Variants in CSMD3 observed in about 807,000 individuals in gnomAD.
CSMD3 encodes the protein CUB and Sushi multiple domains 3.
Under a neutral mutation model 435.2 loss-of-function variants are expected in CSMD3, and 177 were observed. The ratio of observed to expected loss-of-function variants is 0.41; its 90% CI spans 0.36 to 0.46. CSMD3 has a LOEUF of 0.46. CSMD3 is among the 20% of genes least tolerant of loss of function. The pLI is 0.34. For synonymous variants in CSMD3, 1,656 were observed against 1,520.5 expected (o/e 1.09, Z -2.07); for missense variants, 4,265 against 4,504.6 (o/e 0.95, Z 1.52).
chr8:112,233,248 T>A (rs1415560009), intron 68 of CSMD3, among the ~76,000 whole-genome samples: 1 of 152,178 alleles, frequency 6.6e-6, no homozygotes, highest in Non-Finnish European at 1.5e-5. Flanking sequence ...GTTGTAAGAA[T>A]CTTGAGTCCT....
chr8:113,392,987 G>GTA lies in CSMD3; in HGVS notation c.178+43688_178+43689dup, dbSNP rs147048667. 6.0e-3 allele frequency among the ~76,000 whole-genome samples: 894 copies of GTA among 148,950 alleles called. 5 individuals are homozygous for GTA. Among genetic ancestry groups the GTA allele is most frequent in the African/African-American group, 0.016 (666 of 40,554 alleles). On this transcript the variant is annotated intron_variant, in intron 1 of 70. Coordinates refer to ENST00000297405, the MANE Select transcript of CSMD3 (RefSeq NM_198123.2). The stretch of plus-strand genomic sequence containing the variant: ...TGTGTGTGTGTGTGTATATACATAT[G>GTA]TATATATATATATACACATGTGTTT...
chr8:113,023,122 A>G (rs1236937436), intron 5 of CSMD3, among the ~76,000 whole-genome samples: 1 of 152,154 alleles, frequency 6.6e-6, no homozygotes, highest in Non-Finnish European at 1.5e-5. Flanking sequence ...CGCTTTTATT[A>G]TAAGATAAAT....
At chr8:112,748,882 T>C (rs1328984617) in intron 13 of CSMD3, among the ~76,000 whole-genome samples, 2 of 152,200 alleles carry the variant, frequency 1.3e-5, no homozygotes, top group Non-Finnish European at 2.9e-5. Context: ...AGTTGAATGG[T>C]AGTTCTGCTT....
chr8:112,254,400 T>G (rs934327189), intron 62 of CSMD3, 74 bp from the exon 63 acceptor site: 6 of 994,902 alleles, frequency 6.0e-6, no homozygotes, highest in Non-Finnish European at 9.7e-6. Context: ...GAAAACAATT[T>G]TAAATAATCT....
At chr8:112,795,698 C>A (rs1250399669) in intron 13 of CSMD3, among the ~76,000 whole-genome samples, 2 of 152,082 alleles carry the variant, frequency 1.3e-5, no homozygotes, top group Non-Finnish European at 2.9e-5. Context: ...TTGGTGTATA[C>A]CCTCTAGACA....
At chr8:112,736,997 A>C (rs2077199993) in intron 13 of CSMD3, among the ~76,000 whole-genome samples, 1 of 151,930 alleles carries the variant, frequency 6.6e-6, no homozygotes, top group Non-Finnish European at 1.5e-5. Context: ...ATGCTTGTAA[A>C]GTACTTTAAT....
At chr8:112,316,055 A>G (rs1319309082) in intron 47 of CSMD3, among the ~76,000 whole-genome samples, 1 of 151,832 alleles carries the variant, frequency 6.6e-6, no homozygotes, top group Non-Finnish European at 1.5e-5. Flanking sequence ...TAACTAACAT[A>G]GTGGATTATG....
intron 5 of CSMD3, among the ~76,000 whole-genome samples, chr8:113,031,853 G>T (rs1448581015): frequency 6.6e-6 from 1 of 151,496 alleles, no homozygotes; most frequent in Non-Finnish European, 1.5e-5. Flanking sequence ...TTGAAAGAGG[G>T]ACCTGGTGGA....
intron 2 of CSMD3, among the ~76,000 whole-genome samples, chr8:113,287,026 G>A (rs2093651780): frequency 1.3e-5 from 2 of 152,036 alleles, no homozygotes; most frequent in Admixed American, 1.3e-4. Context: ...TCAGGATTTT[G>A]TGAATGTTAA....
At chr8:113,294,743 TTGAC>T (rs776981631) in intron 2 of CSMD3, among the ~76,000 whole-genome samples, 59 of 152,288 alleles carry the variant, frequency 3.9e-4, no homozygotes, top group Admixed American at 1.1e-3. Flanking sequence ...TTTAAGCTAT[TTGAC>T]TGTGAAAAAA....
chr8:112,395,128 C>T (rs780900888), intron 35 of CSMD3, among the ~76,000 whole-genome samples: 2 of 152,096 alleles, frequency 1.3e-5, no homozygotes, highest in Non-Finnish European at 2.9e-5. Context: ...CATTTGCATC[C>T]TGTTTTTTAA....
chr8:112,763,074 T>G (rs2077882969), intron 13 of CSMD3, among the ~76,000 whole-genome samples: 1 of 151,786 alleles, frequency 6.6e-6, no homozygotes, highest in Non-Finnish European at 1.5e-5. Context: ...ATGATAACAT[T>G]GTGAGGTAAC....
chr8:112,981,887 T>C (rs2085065729), intron 6 of CSMD3, among the ~76,000 whole-genome samples: 1 of 151,662 alleles, frequency 6.6e-6, no homozygotes, highest in South Asian at 2.1e-4. Flanking sequence ...GACAAAACAA[T>C]ACGTACACAT....
At chr8:112,330,827 G>T (rs1823974927) in intron 45 of CSMD3, among the ~76,000 whole-genome samples, 1 of 151,980 alleles carries the variant, frequency 6.6e-6, no homozygotes, top group African/African-American at 2.4e-5. Flanking sequence ...GATAATACCA[G>T]CTTAGAACAT....
chr8:113,352,660 T>A (rs950012797), intron 1 of CSMD3, among the ~76,000 whole-genome samples: 1 of 152,084 alleles, frequency 6.6e-6, no homozygotes, highest in Non-Finnish European at 1.5e-5. Flanking sequence ...TTTAAGATTA[T>A]ACCAGGAGTG....
intron 2 of CSMD3, among the ~76,000 whole-genome samples, chr8:113,302,226 TA>T (rs1169517852): frequency 5.6e-5 from 4 of 72,030 alleles, no homozygotes; most frequent in African/African-American, 1.6e-4. Flanking sequence ...ATATATAATA[TA>T]ATATAATATA....
intron 61 of CSMD3, among the ~76,000 whole-genome samples, chr8:112,260,011 A>G (rs1449372020): frequency 6.6e-6 from 1 of 152,162 alleles, no homozygotes; most frequent in Non-Finnish European, 1.5e-5. Context: ...ATCTATTTCT[A>G]TCCGTGAATT....
At chr8:113,069,938 G>A (rs186841125) in intron 5 of CSMD3, among the ~76,000 whole-genome samples, 5 of 152,152 alleles carry the variant, frequency 3.3e-5, no homozygotes, top group South Asian at 4.1e-4. Context: ...CCCAAGAGAG[G>A]AGCCAACACT....
At chr8:112,717,385 T>C (rs1444908042) in intron 13 of CSMD3, among the ~76,000 whole-genome samples, 1 of 152,118 alleles carries the variant, frequency 6.6e-6, no homozygotes, top group African/African-American at 2.4e-5. Context: ...CTCTTGCCAG[T>C]CAGAATGGCG....
Sources: allele counts gnomAD v4.1 joint callset (sites outside exome capture counted in the v4.1 genomes callset), GRCh38; gene constraint gnomAD v4.1.1; transcripts MANE v1.5; gene names NCBI Gene and HGNC (gene_info 2026-07-23, HGNC 2026-07-21).